The following ST6GALNAC5 variants were observed in gnomAD, a reference collection of about 807,000 sequenced individuals.
ST6GALNAC5 encodes ST6 N-acetylgalactosaminide alpha-2,6-sialyltransferase 5, also known as alpha-N-acetylgalactosaminide alpha-2,6-sialyltransferase 5.
In ST6GALNAC5, 27 loss-of-function variants were observed where a neutral mutation model predicts 33.6. The observed-to-expected ratio is 0.80, with a 90% CI of 0.59 to 1.11. The LOEUF is 1.11. Among genes scored for constraint, ST6GALNAC5 ranks in the 50% least tolerant of loss-of-function variants. The probability of loss-of-function intolerance (pLI) is 0.00; values close to 1 mark genes in which losing one functional copy is unlikely to be tolerated. For synonymous variants in ST6GALNAC5, 194 were observed against 171.2 expected, an observed-to-expected ratio of 1.13 and a Z score of -1.04; for missense variants, 428 against 454.0, an observed-to-expected ratio of 0.94 and a Z score of 0.52.
At chr1:76,955,709 T>C (rs1647931728) in intron 2 of ST6GALNAC5, among the ~76,000 whole-genome samples, 2 of 152,192 alleles carry the variant, frequency 1.3e-5, no homozygotes, top group South Asian at 4.1e-4. Flanking sequence ...TCCAGACTTC[T>C]TGAGGTCCTT....
chr1:76,935,495 T>G (rs1307187844), intron 2 of ST6GALNAC5, among the ~76,000 whole-genome samples: 1 of 152,022 alleles, frequency 6.6e-6, no homozygotes, highest in African/African-American at 2.4e-5. Context: ...CAAATAAATA[T>G]GTATATGTAA....
chr1:76,907,348 A>T (rs1255821726), intron 2 of ST6GALNAC5, among the ~76,000 whole-genome samples: 3 of 152,096 alleles, frequency 2.0e-5, no homozygotes, highest in Non-Finnish European at 4.4e-5. Context: ...CTCTGAGAAC[A>T]CCCAACCCTG....
At chr1:76,966,068 T>G (rs972118102) in intron 2 of ST6GALNAC5, among the ~76,000 whole-genome samples, 1 of 152,202 alleles carries the variant, frequency 6.6e-6, no homozygotes, top group Non-Finnish European at 1.5e-5. Flanking sequence ...TCTTTTTGCT[T>G]AGGATTGTCT....
chr1:77,034,107 C>A (rs1454748637), intron 2 of ST6GALNAC5, among the ~76,000 whole-genome samples: 2 of 152,076 alleles, frequency 1.3e-5, no homozygotes, highest in South Asian at 2.1e-4. Flanking sequence ...TGTGTAAAAA[C>A]CACAGAAATT....
chr1:76,936,064 G>A (rs2100318137), intron 2 of ST6GALNAC5, among the ~76,000 whole-genome samples: 1 of 152,146 alleles, frequency 6.6e-6, no homozygotes, highest in South Asian at 2.1e-4. Flanking sequence ...CTGAACCCTA[G>A]TGTAGTGGAA....
At chr1:76,985,506 A>G (rs183915635) in intron 2 of ST6GALNAC5, among the ~76,000 whole-genome samples, 10 of 152,346 alleles carry the variant, frequency 6.6e-5, no homozygotes, top group Admixed American at 5.2e-4. Flanking sequence ...CAACGAAAGA[A>G]AAGAGGACAC....
chr1:77,050,572 A>G (rs1652186794), intron 4 of ST6GALNAC5, among the ~76,000 whole-genome samples: 1 of 152,250 alleles, frequency 6.6e-6, no homozygotes, highest in African/African-American at 2.4e-5. Context: ...CTGCTGGAGA[A>G]TAAATCCATC....
intron 2 of ST6GALNAC5, among the ~76,000 whole-genome samples, chr1:76,990,877 C>T (rs1158246211): frequency 6.6e-6 from 1 of 152,084 alleles, no homozygotes; most frequent in Non-Finnish European, 1.5e-5. Flanking sequence ...TTATTAATGG[C>T]AGAGAGCCTT....
intron 2 of ST6GALNAC5, among the ~76,000 whole-genome samples, chr1:76,965,223 C>CCG (rs535130137): frequency 6.6e-6 from 1 of 152,014 alleles, no homozygotes; most frequent in Non-Finnish European, 1.5e-5. Flanking sequence ...CCACCCCCCC[C>CCG]ACCAACAGTG....
chr1:77,016,562 T>C (rs1650860853), intron 2 of ST6GALNAC5, among the ~76,000 whole-genome samples: 1 of 151,618 alleles, frequency 6.6e-6, no homozygotes, highest in East Asian at 2.0e-4. Flanking sequence ...ATGGGCTAAG[T>C]GATCTGATCA....
intron 2 of ST6GALNAC5, among the ~76,000 whole-genome samples, chr1:76,935,083 T>C (rs1647187174): frequency 6.6e-6 from 1 of 152,110 alleles, no homozygotes. Flanking sequence ...CAGAAGGAAT[T>C]GGTTCTATAG....
At chr1:76,947,169 A>G (rs1251133626) in intron 2 of ST6GALNAC5, among the ~76,000 whole-genome samples, 1 of 152,080 alleles carries the variant, frequency 6.6e-6, no homozygotes, top group African/African-American at 2.4e-5. Context: ...TAGGGTGAAT[A>G]TGTTTTATAC....
intron 2 of ST6GALNAC5, among the ~76,000 whole-genome samples, chr1:77,034,764 CTTAT>C (rs1042825231): frequency 3.3e-5 from 5 of 152,192 alleles, no homozygotes; most frequent in Non-Finnish European, 7.3e-5. Flanking sequence ...GATGTTCCTT[CTTAT>C]TTGTCTGTTT....
chr1:77,018,107 G>A (rs1190597544), intron 2 of ST6GALNAC5, among the ~76,000 whole-genome samples: 1 of 152,108 alleles, frequency 6.6e-6, no homozygotes, highest in Admixed American at 6.5e-5. Context: ...CTTCCATTAG[G>A]CAACTTCAGG....
At chr1:76,872,645 T>C (rs998559030) in intron 2 of ST6GALNAC5, among the ~76,000 whole-genome samples, 3 of 152,212 alleles carry the variant, frequency 2.0e-5, no homozygotes, top group Admixed American at 6.5e-5. Context: ...TTTAAAATTA[T>C]GGGATGAGTA....
At chr1:76,927,860 C>T (rs995986666) in intron 2 of ST6GALNAC5, among the ~76,000 whole-genome samples, 2 of 152,106 alleles carry the variant, frequency 1.3e-5, no homozygotes, top group Non-Finnish European at 2.9e-5. Flanking sequence ...TGAGTTTATC[C>T]ATAAGGTTGT....
intron 2 of ST6GALNAC5, among the ~76,000 whole-genome samples, chr1:76,937,402 C>A (rs1647220930): frequency 6.6e-6 from 1 of 151,896 alleles, no homozygotes; most frequent in Admixed American, 6.6e-5. Context: ...ATAACAATAA[C>A]CTTATTAAAT....
intron 2 of ST6GALNAC5, among the ~76,000 whole-genome samples, chr1:76,936,291 C>T (rs985612452): frequency 6.6e-6 from 1 of 151,876 alleles, no homozygotes; most frequent in African/African-American, 2.4e-5. Context: ...GGTATTATGC[C>T]TTTTTCATGT....
intron 2 of ST6GALNAC5, among the ~76,000 whole-genome samples, chr1:76,996,230 C>A (rs1036568330): frequency 6.6e-6 from 1 of 152,166 alleles, no homozygotes; most frequent in Non-Finnish European, 1.5e-5. Context: ...AGTTCCCCAT[C>A]CCCAGTGACC....
Sources: gnomAD v4.1 joint callset for allele counts (sites outside exome capture counted in the v4.1 genomes callset) on GRCh38, gnomAD v4.1.1 for gene constraint, MANE v1.5 for transcripts, NCBI Gene and HGNC (gene_info 2026-07-23, HGNC 2026-07-21) for gene names.